Variants in ADAMTS17 observed in about 807,000 individuals in gnomAD.
ADAMTS17 encodes ADAM metallopeptidase with thrombospondin type 1 motif 17.
Under a neutral mutation model 141.5 loss-of-function variants are expected in ADAMTS17, and 113 were observed. The observed-to-expected ratio is 0.80, with a 90% CI of 0.69 to 0.93. ADAMTS17 has a LOEUF of 0.93. ADAMTS17 is among the 40% of genes least tolerant of loss of function. The probability of loss-of-function intolerance (pLI) is 0.00; values close to 1 mark genes in which losing one functional copy is unlikely to be tolerated. For synonymous variants in ADAMTS17, 768 were observed against 630.6 expected (o/e 1.22, Z -3.27); for missense variants, 1,659 against 1,517.9 (o/e 1.09, Z -1.54).
rs148055945 is a variant in ADAMTS17 at position 100,127,163 on chromosome 15, C to T, written c.1721+4844G>A. Among the ~76,000 whole-genome samples, 6 of 152,220 alleles carry T rather than the reference C, an allele frequency of 3.9e-5. No homozygotes were observed. The East Asian group carries it at 7.8e-4, about 20-fold the overall frequency. ...CAGGGGGCTGAACGGTGGGTCCCCT[C>T]GGCCTCAAAAGATAGTCCACTCGGA... On this transcript the variant is annotated intron_variant, in intron 12 of 21. Coordinates refer to ENST00000268070, the MANE Select transcript of ADAMTS17 (RefSeq NM_139057.4).
intron 10 of ADAMTS17, among the ~76,000 whole-genome samples, chr15:100,142,337 G>A (rs772862642): frequency 5.9e-5 from 9 of 152,146 alleles, no homozygotes; most frequent in African/African-American, 1.4e-4. Context: ...TAGAGGTACT[G>A]GACACGGGAA....
chr15:99,974,294 G>A lies in ADAMTS17; in HGVS notation c.*108C>T. The A allele has an allele frequency of 2.1e-6, 3 of 1,431,872 alleles. No homozygotes were observed. Among genetic ancestry groups the A allele is most frequent in the East Asian group, 2.3e-5 (1 of 43,970 alleles). 88.7% of individuals were successfully genotyped at this position (1,431,872 alleles called of 1,614,324 possible). The stretch of plus-strand genomic sequence containing the variant: ...GTCCACGCTCATGTTCTATGTAGTT[G>A]GATTCTTGTGGCAGCCGGGTGGGGG... On this transcript the variant is annotated 3_prime_UTR_variant, in exon 22 of 22. Transcript: ENST00000268070.
intron 8 of ADAMTS17, among the ~76,000 whole-genome samples, chr15:100,176,045 G>A (rs1180759902): frequency 6.6e-6 from 1 of 152,154 alleles, no homozygotes; most frequent in East Asian, 1.9e-4. Flanking sequence ...TGCTGCCCAG[G>A]CCACAGGCGC....
chr15:100,205,846 C>G (rs1371332529), intron 7 of ADAMTS17, among the ~76,000 whole-genome samples: 1 of 152,206 alleles, frequency 6.6e-6, no homozygotes, highest in Non-Finnish European at 1.5e-5. Context: ...ATGTTCCAAG[C>G]CAAGCCTCAG....
intron 13 of ADAMTS17, among the ~76,000 whole-genome samples, chr15:100,113,910 G>C (rs1365120354): frequency 6.6e-6 from 1 of 152,230 alleles, no homozygotes; most frequent in Non-Finnish European, 1.5e-5. Flanking sequence ...ACACTTCAGT[G>C]GGCCCATGGC....
At chr15:100,011,388 A>ATGGGAGGG in intron 18 of ADAMTS17, among the ~76,000 whole-genome samples, 3 of 32,264 alleles carry the variant, frequency 9.3e-5, no homozygotes, top group African/African-American at 2.6e-4. Flanking sequence ...GTAAGGACAG[A>ATGGGAGGG]AGGGAGGGAA....
intron 8 of ADAMTS17, among the ~76,000 whole-genome samples, chr15:100,181,733 G>A (rs188614502): frequency 3.9e-5 from 6 of 152,358 alleles, no homozygotes; most frequent in African/African-American, 1.4e-4. Flanking sequence ...CTCTCCTGAA[G>A]GAGGAGGAAG....
intron 8 of ADAMTS17, among the ~76,000 whole-genome samples, chr15:100,186,710 C>T (rs1257397195): frequency 6.6e-6 from 1 of 152,214 alleles, no homozygotes; most frequent in African/African-American, 2.4e-5. Flanking sequence ...GCTCACAGTT[C>T]TCCATATTTC....
At chr15:100,056,575 G>C (rs969518456) in intron 15 of ADAMTS17, among the ~76,000 whole-genome samples, 3 of 152,166 alleles carry the variant, frequency 2.0e-5, no homozygotes, top group African/African-American at 7.2e-5. Context: ...GCTCCTATGA[G>C]AATCTAATGT....
chr15:100,195,271 C>T (rs545856947), intron 8 of ADAMTS17, among the ~76,000 whole-genome samples: 3 of 152,340 alleles, frequency 2.0e-5, no homozygotes, highest in East Asian at 3.9e-4. Flanking sequence ...TCCCCCAGCT[C>T]GTGTCCGCAG....
chr15:100,085,374 A>T (rs2035030602), intron 15 of ADAMTS17, among the ~76,000 whole-genome samples: 1 of 139,198 alleles, frequency 7.2e-6, no homozygotes, highest in Non-Finnish European at 1.5e-5. Flanking sequence ...TGATTGGTGG[A>T]CCTGAAAGTG....
intron 18 of ADAMTS17, among the ~76,000 whole-genome samples, chr15:100,040,862 T>C (rs2067450619): frequency 6.6e-6 from 1 of 152,222 alleles, no homozygotes; most frequent in African/African-American, 2.4e-5. Context: ...CCCACTCACA[T>C]ACCATCAACA....
At chr15:100,056,284 C>CT (rs1177108883) in intron 15 of ADAMTS17, among the ~76,000 whole-genome samples, 2 of 152,148 alleles carry the variant, frequency 1.3e-5, no homozygotes, top group Admixed American at 6.5e-5. Flanking sequence ...ATGCATGTGT[C>CT]TATTTGGTTT....
At chr15:100,270,300 C>T (rs578173558) in intron 4 of ADAMTS17, among the ~76,000 whole-genome samples, 1 of 152,198 alleles carries the variant, frequency 6.6e-6, no homozygotes, top group African/African-American at 2.4e-5. Context: ...GTTTTATCTT[C>T]TCCATCTTGT....
chr15:100,166,604 T>C (rs367684670), intron 8 of ADAMTS17, among the ~76,000 whole-genome samples: 32 of 152,306 alleles, frequency 2.1e-4, no homozygotes, highest in African/African-American at 7.7e-4. Flanking sequence ...TACAGTGCAA[T>C]AGTCCAAGGA....
chr15:100,162,373 A>C (rs1596149494), intron 8 of ADAMTS17, among the ~76,000 whole-genome samples: 1 of 147,748 alleles, frequency 6.8e-6, no homozygotes, highest in Non-Finnish European at 1.5e-5. Context: ...ATAGTTATAT[A>C]TATGTTATAT....
chr15:100,012,222 A>C (rs962365418), intron 18 of ADAMTS17, among the ~76,000 whole-genome samples: 2 of 151,946 alleles, frequency 1.3e-5, no homozygotes, highest in Non-Finnish European at 2.9e-5. Flanking sequence ...ATGTCCTTTG[A>C]CCACTGTTTG....
chr15:100,205,120 C>A (rs778627376), intron 7 of ADAMTS17, among the ~76,000 whole-genome samples: 1 of 152,134 alleles, frequency 6.6e-6, no homozygotes, highest in Non-Finnish European at 1.5e-5. Context: ...CACAGATGTC[C>A]TTGGCTTCGG....
Position 100,132,088 on chromosome 15 carries a change from C to T in ADAMTS17, c.1640G>A (p.Ser547Asn), listed in dbSNP as rs1171789744. Reference sequence around the variant, plus strand: ...GCACATGCTCCAGGCGCCCCACGGGCTCCAGTCTCCGTCCACATGCTCCGG... The same window carrying T: ...GCACATGCTCCAGGCGCCCCACGGGTTCCAGTCTCCGTCCACATGCTCCGG... ...PIPEHVDGDW[S>N]PWGAWSMCSR... The change falls in exon 12 of 22, where the codon AGC (serine) becomes AAC (asparagine). Residue 547 changes from serine (S) to asparagine (N), a missense_variant. Coordinates refer to ENST00000268070, the MANE Select transcript of ADAMTS17 (RefSeq NM_139057.4). 6 of 1,614,164 alleles carry T rather than the reference C, an allele frequency of 3.7e-6. No individual in the cohort carries two copies. In the East Asian group the frequency reaches 8.9e-5, roughly 24 times the overall value.
Sources: gnomAD v4.1 joint callset for allele counts (sites outside exome capture counted in the v4.1 genomes callset) on GRCh38, gnomAD v4.1.1 for gene constraint, MANE v1.5 for transcripts, NCBI Gene and HGNC (gene_info 2026-07-23, HGNC 2026-07-21) for gene names.